The following STXBP6 variants were observed in gnomAD, a reference collection of about 807,000 sequenced individuals.
STXBP6 encodes syntaxin-binding protein 6.
In STXBP6, 21 loss-of-function variants were observed where a neutral mutation model predicts 26.9. That is an observed-to-expected ratio of 0.78 (90% confidence interval 0.55 to 1.12). The LOEUF (loss-of-function observed/expected upper bound fraction) is 1.12, where lower values mean the gene tolerates loss of function less well. Ranked by LOEUF, STXBP6 falls within the 50% of genes most tolerant of loss-of-function variation. STXBP6 has a pLI of 0.00. For missense variants in STXBP6, 232 were observed against 257.9 expected (o/e 0.90, Z 0.69); for synonymous variants, 97 against 92.6 (o/e 1.05, Z -0.27).
At chr14:24,964,126 C>G (rs771206372) in intron 2 of STXBP6, among the ~76,000 whole-genome samples, 25 of 152,106 alleles carry the variant, frequency 1.6e-4, no homozygotes, top group Admixed American at 6.5e-5. Flanking sequence ...CAATTCCCCC[C>G]ACCCAGACAC....
intron 2 of STXBP6, among the ~76,000 whole-genome samples, chr14:24,941,885 TGA>T (rs1420013268): frequency 6.6e-6 from 1 of 152,222 alleles, no homozygotes; most frequent in Non-Finnish European, 1.5e-5. Flanking sequence ...TGAGAGCCTG[TGA>T]GTAGCAGTTA....
intron 1 of STXBP6, among the ~76,000 whole-genome samples, chr14:25,044,170 CAAAAAAAAAA>C (rs768658907): frequency 5.6e-5 from 3 of 53,330 alleles, no homozygotes; most frequent in African/African-American, 1.6e-4. Context: ...GACTCTGCCT[CAAAAAAAAAA>C]AAAAAAAAAA....
intron 2 of STXBP6, among the ~76,000 whole-genome samples, chr14:24,888,522 G>C (rs1303067116): frequency 6.6e-6 from 1 of 152,056 alleles, no homozygotes; most frequent in Non-Finnish European, 1.5e-5. Context: ...AGAGGATCGA[G>C]CCCAGCCTGG....
chr14:24,855,368 T>A (rs2139166863), intron 4 of STXBP6, among the ~76,000 whole-genome samples: 1 of 152,228 alleles, frequency 6.6e-6, no homozygotes, highest in African/African-American at 2.4e-5. Context: ...CTAAGAAATG[T>A]GCTAAGCACC....
intron 4 of STXBP6, among the ~76,000 whole-genome samples, chr14:24,850,670 C>T (rs1461210743): frequency 1.3e-5 from 2 of 152,096 alleles, no homozygotes; most frequent in African/African-American, 4.8e-5. Context: ...CGTCTATTTA[C>T]ATCTGATATG....
At chr14:24,903,017 G>A (rs949599618) in intron 2 of STXBP6, among the ~76,000 whole-genome samples, 1 of 152,084 alleles carries the variant, frequency 6.6e-6, no homozygotes, top group Non-Finnish European at 1.5e-5. Context: ...GAAGACTGGT[G>A]GATCTATGAA....
intron 2 of STXBP6, among the ~76,000 whole-genome samples, chr14:24,914,522 A>G (rs957821215): frequency 1.3e-5 from 2 of 152,174 alleles, no homozygotes; most frequent in Non-Finnish European, 1.5e-5. Context: ...GGCTGGTTGC[A>G]TTATCCTCCC....
chr14:24,826,231 C>A (rs1379165202), intron 4 of STXBP6, among the ~76,000 whole-genome samples: 2 of 152,184 alleles, frequency 1.3e-5, no homozygotes, highest in Non-Finnish European at 2.9e-5. Context: ...TACTTACCAG[C>A]TGTGTGACCT....
At chr14:24,914,062 T>G (rs1017035787) in intron 2 of STXBP6, among the ~76,000 whole-genome samples, 6 of 152,192 alleles carry the variant, frequency 3.9e-5, no homozygotes, top group Non-Finnish European at 8.8e-5. Flanking sequence ...ATACTAAAGC[T>G]GGTATCAGAA....
At position 24,845,788 on chromosome 14, in the gene STXBP6, T is replaced by A. The variant is rs114916047; in HGVS notation, c.451+10148A>T. Among the ~76,000 whole-genome samples the A allele has an allele frequency of 5.6e-3, 845 of 152,218 alleles. 11 individuals carry two copies. The highest frequency in any genetic ancestry group is 0.02 in the African/African-American group (815 of 41,540). On this transcript the variant is annotated intron_variant, in intron 4 of 5. Coordinates refer to ENST00000323944, the MANE Select transcript of STXBP6 (RefSeq NM_001394410.1). ...TCCAGAGGGGAAGATTATGCTGAGT[T>A]ACCTGGGTGGACACAATATAAACAC... is the stretch of plus-strand genomic sequence containing the variant.
At chr14:25,025,456 A>G (rs1020170679) in intron 1 of STXBP6, among the ~76,000 whole-genome samples, 2 of 152,190 alleles carry the variant, frequency 1.3e-5, no homozygotes, top group African/African-American at 4.8e-5. Context: ...CAATGGGCAA[A>G]CACAGAAGAT....
intron 1 of STXBP6, among the ~76,000 whole-genome samples, chr14:25,033,574 T>A (rs750703457): frequency 6.6e-6 from 1 of 152,058 alleles, no homozygotes; most frequent in South Asian, 2.1e-4. Context: ...AGGTCCTTCC[T>A]ACCTCAGGGC....
intron 2 of STXBP6, among the ~76,000 whole-genome samples, chr14:24,902,482 T>C (rs2071248509): frequency 6.6e-6 from 1 of 152,192 alleles, no homozygotes. Context: ...TTGAGACTTA[T>C]TATTTTGCCT....
intron 2 of STXBP6, among the ~76,000 whole-genome samples, chr14:24,879,445 A>G (rs1484525531): frequency 6.6e-6 from 1 of 152,220 alleles, no homozygotes; most frequent in East Asian, 1.9e-4. Context: ...TGATCGAAAG[A>G]TAAAAAAGTT....
intron 1 of STXBP6, among the ~76,000 whole-genome samples, chr14:25,018,164 G>A (rs971298327): frequency 2.6e-5 from 4 of 152,072 alleles, no homozygotes; most frequent in African/African-American, 9.7e-5. Context: ...TTCCTCCAGT[G>A]TGCATAAATA....
rs567239173 is a variant in STXBP6 at position 24,966,775 on chromosome 14, C to T, written c.154+7890G>A. Among the ~76,000 whole-genome samples, 5 of 152,280 alleles carry T rather than the reference C, an allele frequency of 3.3e-5. No individual in the cohort carries two copies. In the East Asian group the frequency reaches 9.7e-4, roughly 29 times the overall value. ...ATTTGGCAGTGTCCCTGCCAGGAGT[C>T]TCTCCAAATTTCCCCAGGGAGTTCA... On this transcript the variant is annotated intron_variant, in intron 2 of 5. Transcript: ENST00000323944.
intron 2 of STXBP6, among the ~76,000 whole-genome samples, chr14:24,964,333 G>A (rs906372983): frequency 2.0e-5 from 3 of 152,148 alleles, no homozygotes; most frequent in Admixed American, 6.5e-5. Flanking sequence ...CTCAGAGCAC[G>A]GTAACTACCT....
chr14:24,880,691 T>C (rs777866879), intron 2 of STXBP6, among the ~76,000 whole-genome samples: 1 of 152,168 alleles, frequency 6.6e-6, no homozygotes, highest in Non-Finnish European at 1.5e-5. Context: ...AAAACAGACA[T>C]TTATTTTAAA....
chr14:24,976,684 T>C (rs2074052953), intron 1 of STXBP6, among the ~76,000 whole-genome samples: 1 of 151,794 alleles, frequency 6.6e-6, no homozygotes, highest in Admixed American at 6.6e-5. Context: ...CTTTTATTTA[T>C]TTTTTTTAAA....
Sources: allele counts gnomAD v4.1 joint callset (sites outside exome capture counted in the v4.1 genomes callset), GRCh38; gene constraint gnomAD v4.1.1; transcripts MANE v1.5; gene names NCBI Gene and HGNC (gene_info 2026-07-23, HGNC 2026-07-21).